EYS: variants seen among roughly 807,000 people sequenced by gnomAD.
The protein encoded by EYS is protein eyes shut homolog.
A neutral mutation model predicts 282.1 loss-of-function variants in EYS; 250 were observed. That is an observed-to-expected ratio of 0.89 (90% CI 0.80 to 0.98). The LOEUF is 0.98. EYS is among the 50% of genes least tolerant of loss of function. The pLI, the probability that EYS is intolerant of heterozygous loss-of-function variation, is 0.00. For missense variants in EYS, 4,016 were observed against 3,709.0 expected, an observed-to-expected ratio of 1.08 and a Z score of -2.15; for synonymous variants, 1,355 against 1,282.9, an observed-to-expected ratio of 1.06 and a Z score of -1.20.
chr6:65,688,478 C>T (rs1205524416), intron 1 of EYS, among the ~76,000 whole-genome samples: 2 of 152,178 alleles, frequency 1.3e-5, no homozygotes, highest in Non-Finnish European at 2.9e-5. Flanking sequence ...ACCATAAAAA[C>T]CCTAGAAGAA....
At chr6:63,925,077 T>C (rs1764677960) in intron 35 of EYS, among the ~76,000 whole-genome samples, 1 of 152,190 alleles carries the variant, frequency 6.6e-6, no homozygotes, top group Non-Finnish European at 1.5e-5. Context: ...TGGACATCTT[T>C]GGGCAACTTA....
chr6:65,531,009 G>T (rs1471650028), intron 2 of EYS, among the ~76,000 whole-genome samples: 5 of 152,136 alleles, frequency 3.3e-5, no homozygotes, highest in Non-Finnish European at 5.9e-5. Context: ...ATAGATTAAA[G>T]AATTTTCTGT....
chr6:64,170,429 C>T (rs1173351681), intron 31 of EYS, among the ~76,000 whole-genome samples: 1 of 152,030 alleles, frequency 6.6e-6, no homozygotes, highest in Non-Finnish European at 1.5e-5. Flanking sequence ...AGTCTAAAAT[C>T]AAGGCATCAG....
intron 12 of EYS, among the ~76,000 whole-genome samples, chr6:65,213,525 C>G (rs1309485431): frequency 6.6e-6 from 1 of 152,120 alleles, no homozygotes; most frequent in African/African-American, 2.4e-5. Flanking sequence ...GGGCAATTCT[C>G]ACAATATTTC....
intron 12 of EYS, among the ~76,000 whole-genome samples, chr6:65,061,802 T>C (rs1050553492): frequency 6.6e-6 from 1 of 151,934 alleles, no homozygotes; most frequent in Non-Finnish European, 1.5e-5. Flanking sequence ...TTTCTCCTCA[T>C]AGGAACCATC....
chr6:64,945,056 C>T (rs941053386), intron 15 of EYS, among the ~76,000 whole-genome samples: 1 of 149,942 alleles, frequency 6.7e-6, no homozygotes, highest in Non-Finnish European at 1.5e-5. Flanking sequence ...GCTGAGGGAA[C>T]TCAGAGGCCG....
At chr6:64,033,434 T>A (rs933571204) in intron 33 of EYS, among the ~76,000 whole-genome samples, 2 of 152,162 alleles carry the variant, frequency 1.3e-5, no homozygotes, top group African/African-American at 4.8e-5. Flanking sequence ...ATATTTTAAG[T>A]TAATTCAAGA....
chr6:65,327,377 T>A (rs1218699595), intron 11 of EYS, among the ~76,000 whole-genome samples: 1 of 151,726 alleles, frequency 6.6e-6, no homozygotes, highest in Admixed American at 6.6e-5. Flanking sequence ...GTTTATAATA[T>A]TTTTGTTTTC....
chr6:64,775,621 T>C (rs1773655516), intron 22 of EYS, among the ~76,000 whole-genome samples: 1 of 152,070 alleles, frequency 6.6e-6, no homozygotes, highest in Non-Finnish European at 1.5e-5. Context: ...TTGATGTTTT[T>C]CTCTAGGCCA....
At chr6:64,441,724 G>A (rs556836131) in intron 26 of EYS, among the ~76,000 whole-genome samples, 2 of 152,138 alleles carry the variant, frequency 1.3e-5, no homozygotes, top group African/African-American at 4.8e-5. Flanking sequence ...GAGATCTGAT[G>A]ATTTTAAAAA....
intron 2 of EYS, among the ~76,000 whole-genome samples, chr6:65,527,610 C>T (rs1038588231): frequency 6.6e-6 from 1 of 152,222 alleles, no homozygotes; most frequent in Non-Finnish European, 1.5e-5. Context: ...AATACAGATG[C>T]CTTCTCATCC....
At chr6:64,051,403 T>C (rs1411044003) in intron 33 of EYS, among the ~76,000 whole-genome samples, 2 of 152,064 alleles carry the variant, frequency 1.3e-5, no homozygotes, top group East Asian at 3.9e-4. Context: ...CACACAAAAT[T>C]GCAAGGAAAA....
chr6:64,043,720 C>T (rs1770495327), intron 33 of EYS, among the ~76,000 whole-genome samples: 2 of 152,206 alleles, frequency 1.3e-5, no homozygotes, highest in Non-Finnish European at 2.9e-5. Context: ...CCTTATAATA[C>T]TCTCTAACAC....
At chr6:64,585,563 C>T (rs939152740) in intron 26 of EYS, among the ~76,000 whole-genome samples, 3 of 152,022 alleles carry the variant, frequency 2.0e-5, no homozygotes, top group South Asian at 2.1e-4. Flanking sequence ...ACGTAGAGAA[C>T]GAGTTTTCAA....
At chr6:65,027,546 A>G (rs1772458885) in intron 13 of EYS, among the ~76,000 whole-genome samples, 1 of 152,162 alleles carries the variant, frequency 6.6e-6, no homozygotes, top group African/African-American at 2.4e-5. Flanking sequence ...ATTCTCTTCA[A>G]TGCCTCATTA....
intron 12 of EYS, among the ~76,000 whole-genome samples, chr6:65,196,843 A>G (rs549986019): frequency 1.2e-4 from 19 of 152,188 alleles, no homozygotes; most frequent in South Asian, 8.3e-4. Flanking sequence ...AACGTTTTCC[A>G]TTAAGAGGGA....
At chr6:65,034,023 A>T (rs549393069) in intron 13 of EYS, among the ~76,000 whole-genome samples, 1 of 152,302 alleles carries the variant, frequency 6.6e-6, no homozygotes, top group South Asian at 2.1e-4. Context: ...GATGCAGGAT[A>T]TGGAGGCAAA....
chr6:64,217,183 T>C (rs752825484), intron 31 of EYS, among the ~76,000 whole-genome samples: 3 of 152,162 alleles, frequency 2.0e-5, no homozygotes, highest in Non-Finnish European at 4.4e-5. Flanking sequence ...GTTTTGGGTA[T>C]AGTTGAATCT....
intron 35 of EYS, among the ~76,000 whole-genome samples, chr6:63,953,915 C>A (rs1194237399): frequency 2.0e-5 from 3 of 152,180 alleles, no homozygotes; most frequent in African/African-American, 7.2e-5. Flanking sequence ...GCTGCCACTG[C>A]CCTAATACTT....
Sources: allele counts gnomAD v4.1 joint callset (sites outside exome capture counted in the v4.1 genomes callset), GRCh38; gene constraint gnomAD v4.1.1; transcripts MANE v1.5; gene names NCBI Gene and HGNC (gene_info 2026-07-23, HGNC 2026-07-21).